The following EIF4A2 variants were observed in gnomAD, a reference collection of about 807,000 sequenced individuals.
EIF4A2 encodes eukaryotic translation initiation factor 4A2, also known as eukaryotic initiation factor 4A-II.
In EIF4A2, 9 loss-of-function variants were observed where a neutral mutation model predicts 50.6. The observed-to-expected ratio is 0.18, with a 90% confidence interval of 0.11 to 0.31. EIF4A2 has a LOEUF of 0.31. Among genes scored for constraint, EIF4A2 ranks in the 10% least tolerant of loss-of-function variants. The probability of loss-of-function intolerance (pLI) is 1.00; values close to 1 mark genes in which losing one functional copy is unlikely to be tolerated. For missense variants in EIF4A2, 182 were observed against 501.8 expected (o/e 0.36, Z 6.09); for synonymous variants, 215 against 164.4 (o/e 1.31, Z -2.35).
chr3:186,785,990 A>C lies in EIF4A2; in HGVS notation c.456A>C (p.Ala152=). Residue 152 remains alanine (A), a synonymous_variant, in exon 5 of 11, where the codon GCA becomes GCC. Transcript: ENST00000323963. The part of the protein sequence containing the change: ...RNEMQKLQAE[A]PHIVVGTPGR... ...AAATGCAAAAACTGCAGGCTGAAGC[A>C]CCACATATTGTTGTTGGTACACCCG... 1 of 1,613,558 alleles carries C rather than the reference A, an allele frequency of 6.2e-7. No homozygotes were observed. The highest frequency in any genetic ancestry group is 8.5e-7 in the Non-Finnish European group (1 of 1,179,452).
Position 186,784,684 on chromosome 3 carries a change from C to T in EIF4A2, c.196C>T (p.Pro66Ser). The T allele has an allele frequency of 1.2e-6, 2 of 1,614,016 alleles. No homozygotes were observed. The highest frequency in any genetic ancestry group is 1.7e-6 in the Non-Finnish European group (2 of 1,179,940). ...CGCTATTCAGCAGAGAGCTATTATT[C>T]CCTGTATTAAAGGTAAAAGAAACTG... is the stretch of plus-strand genomic sequence containing the variant. ...PSAIQQRAII[P>S]CIKGYDVIAQ... The change falls in exon 3 of 11, where the codon CCC becomes TCC. Residue 66 changes from proline (P) to serine (S), a missense_variant. Around this residue, in one of 7 missense-constraint regions of EIF4A2, gnomAD observed 113 missense variants for 357.3 expected, o/e 0.32. Transcript: ENST00000323963.
rs1721988898 is a variant in EIF4A2 at position 186,789,377 on chromosome 3, CAT to C, written c.*110_*111del. The C allele has an allele frequency of 7.0e-7, 1 of 1,422,626 alleles. No homozygotes were observed. The highest frequency in any genetic ancestry group is 2.4e-5 in the East Asian group (1 of 41,278). 88.1% of individuals were successfully genotyped at this position (1,422,626 alleles called of 1,614,324 possible). On this transcript the variant is annotated 3_prime_UTR_variant, in exon 11 of 11. Transcript: ENST00000323963. ...AATATTTGAATCTTGTCTCAATGCT[CAT>C]AACGGATCAGAAATACAGATTTTGA... is the stretch of plus-strand genomic sequence containing the variant.
chr3:186,784,324 T>G (rs1721563600), intron 1 of EIF4A2, 108 bp from the exon 2 acceptor site: 3 of 1,511,412 alleles, frequency 2.0e-6, no homozygotes, highest in Admixed American at 3.4e-5. Flanking sequence ...TGCTTTAGCT[T>G]GTGCAGGGGA....
At chr3:186,786,428 A>G (rs969074779) in intron 6 of EIF4A2, 74 bp from the exon 7 acceptor site, 1 of 1,574,356 alleles carries the variant, frequency 6.4e-7, no homozygotes, top group African/African-American at 1.4e-5. Context: ...TAAGACAGAG[A>G]CGCTTGGCTT....
chr3:186,788,395 A>G, intron 10 of EIF4A2: 1 of 1,284,384 alleles, frequency 7.8e-7, no homozygotes, highest in South Asian at 1.2e-5. Flanking sequence ...GCGAAACAGC[A>G]CACTGTTTGA....
In EIF4A2 at chr3:186,783,587, G is replaced by A. The variant is rs368316281; in HGVS notation, c.-24G>A. 1.9e-5 allele frequency: 31 copies of A among 1,614,138 alleles called. No individual in the cohort carries two copies. Among genetic ancestry groups the A allele is most frequent in the South Asian group, 3.3e-5 (3 of 91,080 alleles). Reference sequence around the variant, plus strand: ...GTTGGGCGCCGCTGTCTTTTCAGTCGGGCGCTGAGTGGTTTTTCGGATCAT... The same window carrying A: ...GTTGGGCGCCGCTGTCTTTTCAGTCAGGCGCTGAGTGGTTTTTCGGATCAT... On this transcript the variant is annotated 5_prime_UTR_variant, in exon 1 of 11. Transcript: ENST00000323963.
rs777130591 is a variant in EIF4A2 at position 186,784,492 on chromosome 3, T to TG, written c.75+17dup. 30 of 1,614,090 alleles carry TG rather than the reference T, an allele frequency of 1.9e-5. No individual in the cohort carries two copies. The highest frequency in any genetic ancestry group is 2.5e-5 in the Non-Finnish European group (29 of 1,180,034). On this transcript the variant is annotated intron_variant, in intron 2 of 10. Coordinates refer to ENST00000323963, the MANE Select transcript of EIF4A2 (RefSeq NM_001967.4). ...GTGTCATCGAGGTAAGAAACGGTTG[T>TG]GGATCTTGAAGCTTTGGAAAGGTGA...
At chr3:186,784,169 G>C (rs1202563819) in intron 1 of EIF4A2, 1 of 556,782 alleles carries the variant, frequency 1.8e-6, no homozygotes, top group Non-Finnish European at 3.2e-6. Flanking sequence ...TGGGGGCGGA[G>C]TTCGGCGCTC....
Position 186,787,246 on chromosome 3 carries a change from C to CTG in EIF4A2, c.892_893insGT (p.Phe298CysfsTer20). ...TGACTGAGAAGATGCATGCCAGAGA[C>CTG]TTCACAGTTTCTGCTCTGGTAAGAG... On this transcript the variant is annotated frameshift_variant, in exon 8 of 11. Coordinates refer to ENST00000323963, the MANE Select transcript of EIF4A2 (RefSeq NM_001967.4). LOFTEE classifies it high-confidence loss of function. 1 of 1,614,114 alleles carries CTG rather than the reference C, an allele frequency of 6.2e-7. No homozygotes were observed. Among genetic ancestry groups the CTG allele is most frequent in the Non-Finnish European group, 8.5e-7 (1 of 1,179,988 alleles).
rs1553798035 is a variant in EIF4A2 at position 186,786,662 on chromosome 3, T to TG, written c.771+17_771+18insG. The TG allele has an allele frequency of 6.2e-7, 1 of 1,613,268 alleles. No homozygotes were observed. The highest frequency in any genetic ancestry group is 1.3e-5 in the African/African-American group (1 of 74,528). On this transcript the variant is annotated intron_variant, in intron 7 of 10. Transcript: ENST00000323963. ...GAGAGAGAGGTAACTGTCTGATTGT[T>TG]AGACATTATTTTACCTTCTTGTATA...
At chr3:186,785,706 A>G in intron 4 of EIF4A2, 177 bp from the exon 5 acceptor site, 1 of 712,272 alleles carries the variant, frequency 1.4e-6, no homozygotes, top group Non-Finnish European at 2.2e-6. Context: ...TAAGAAAGAC[A>G]TTAAGGGAAT....
At chr3:186,785,168 AG>A in intron 4 of EIF4A2, 67 bp downstream of exon 4, 3 of 1,591,872 alleles carry the variant, frequency 1.9e-6, no homozygotes, top group Non-Finnish European at 8.6e-7. Flanking sequence ...ACAACTGTGA[AG>A]AATTTAAAAC....
At chr3:186,787,058 A>G in intron 7 of EIF4A2, 69 bp from the exon 8 acceptor site, 1 of 1,599,466 alleles carries the variant, frequency 6.3e-7, no homozygotes, top group South Asian at 1.1e-5. Flanking sequence ...TGGCTGGCCC[A>G]GAATGAATTT....
chr3:186,786,139 G>T, intron 5 of EIF4A2, 25 bp from the exon 6 acceptor site: 1 of 1,609,672 alleles, frequency 6.2e-7, no homozygotes, highest in South Asian at 1.1e-5. Flanking sequence ...ATCTAGAAAT[G>T]ACAGTATGAC....
At chr3:186,784,874 G>A in intron 3 of EIF4A2, 88 bp from the exon 4 acceptor site, 2 of 1,608,456 alleles carry the variant, frequency 1.2e-6, no homozygotes, top group South Asian at 2.2e-5. Flanking sequence ...TGATTATTTG[G>A]GCATAATGTT....
chr3:186,788,742 C>T (rs992708042), intron 10 of EIF4A2: 13 of 225,904 alleles, frequency 5.8e-5, no homozygotes, highest in Non-Finnish European at 9.8e-5. Context: ...TCCAGAAGTG[C>T]GTCGAAATGG....
At chr3:186,788,985 T>C (rs1721962237) in intron 10 of EIF4A2, 140 bp from the exon 11 acceptor site, 22 of 1,239,660 alleles carry the variant, frequency 1.8e-5, no homozygotes, top group Non-Finnish European at 2.2e-6. Context: ...AGATATGCAT[T>C]AGCAGCTAGT....
In EIF4A2 at chr3:186,783,724, A is replaced by G. The variant is rs1188115083; in HGVS notation, c.29+85A>G. ...GATAGTGGATGGCACGGAGGCAAAA[A>G]CTCTAAATTAATGGACGTTTTCTTA... On this transcript the variant is annotated intron_variant, in intron 1 of 10. Transcript: ENST00000323963. The G allele has an allele frequency of 3.1e-6, 5 of 1,602,174 alleles. No individual in the cohort carries two copies. The African/African-American group carries it at 5.4e-5, about 17-fold the overall frequency.
rs80288140 is a variant in EIF4A2 at position 186,788,148 on chromosome 3, C to T, written c.1079+266C>T. 4,697 of 668,434 alleles carry T rather than the reference C, an allele frequency of 7.0e-3. 26 individuals are homozygous for T. Among genetic ancestry groups the T allele is most frequent in the Non-Finnish European group, 9.0e-3 (3,822 of 426,122 alleles). The allele number at this position is 668,434 out of a possible 1,614,324, so 41.4% of individuals were successfully genotyped here. ...TGAGCTTTTAGTGATGTTCTTGTGTCCATGTGTTTTTCTTGGTGATTTTTT... is the reference window on the plus strand; with the variant it reads ...TGAGCTTTTAGTGATGTTCTTGTGTTCATGTGTTTTTCTTGGTGATTTTTT... On this transcript the variant is annotated intron_variant, in intron 10 of 10. Transcript: ENST00000323963.
Sources: allele counts gnomAD v4.1 joint callset, GRCh38; gene constraint gnomAD v4.1.1; regional missense constraint gnomAD v4.1.1; transcripts MANE v1.5; gene names NCBI Gene and HGNC (gene_info 2026-07-23, HGNC 2026-07-21).